The following TRIM24 variants were observed in gnomAD, a reference collection of about 807,000 sequenced individuals.
TRIM24 encodes tripartite motif containing 24, also known as transcription intermediary factor 1-alpha.
Under a neutral mutation model 123.9 loss-of-function variants are expected in TRIM24, and 29 were observed. The ratio of observed to expected loss-of-function variants is 0.23; its 90% confidence interval spans 0.17 to 0.32. The LOEUF (loss-of-function observed/expected upper bound fraction) is 0.32, where lower values mean the gene tolerates loss of function less well. Among genes scored for constraint, TRIM24 ranks in the 10% least tolerant of loss-of-function variants. The pLI, the probability that TRIM24 is intolerant of heterozygous loss-of-function variation, is 1.00. For synonymous variants in TRIM24, 456 were observed against 461.1 expected (o/e 0.99, Z 0.14); for missense variants, 932 against 1,295.3 (o/e 0.72, Z 4.31).
At chr7:138,583,572 A>G (rs1347366620) in intron 17 of TRIM24, among the ~76,000 whole-genome samples, 1 of 152,206 alleles carries the variant, frequency 6.6e-6, no homozygotes, top group East Asian at 1.9e-4. Context: ...GTGAGCCGAG[A>G]TTGTGTCACT....
chr7:138,505,534 G>GTTGTTA (rs1322287456), intron 2 of TRIM24, among the ~76,000 whole-genome samples: 3 of 151,062 alleles, frequency 2.0e-5, no homozygotes, highest in African/African-American at 7.4e-5. Context: ...TGTTGTTGTT[G>GTTGTTA]TTGTTGTTGT....
chr7:138,529,657 G>C (rs566496688), intron 6 of TRIM24, among the ~76,000 whole-genome samples: 1 of 152,270 alleles, frequency 6.6e-6, no homozygotes, highest in East Asian at 1.9e-4. Flanking sequence ...GGCTAGCCCT[G>C]CCCTCAACAT....
chr7:138,535,910 C>T (rs542618791), intron 6 of TRIM24, among the ~76,000 whole-genome samples: 7 of 151,990 alleles, frequency 4.6e-5, no homozygotes, highest in African/African-American at 9.7e-5. Flanking sequence ...TGGCTTTGTT[C>T]GTTTCTTTTT....
Position 138,579,501 on chromosome 7 carries a change from T to C in TRIM24, c.2554T>C (p.Cys852Arg). ...EKCPKVFHLS[C>R]HVPTLTNFPS... ...GTGCCCCAAAGTATTCCATCTTTCT[T>C]GTCATGTGCCCACATTGACAAATTT... The change falls in exon 15 of 19, where the codon TGT (cysteine) becomes CGT (arginine). Residue 852 changes from cysteine to arginine, a missense_variant. By Grantham distance (180) the Cys-to-Arg change is radical (BLOSUM62 -3). Coordinates refer to ENST00000343526, the MANE Select transcript of TRIM24 (RefSeq NM_015905.3). 6.2e-7 allele frequency: 1 copy of C among 1,611,848 alleles called. No individual in the cohort carries two copies. The highest frequency in any genetic ancestry group is 8.5e-7 in the Non-Finnish European group (1 of 1,178,658).
At chr7:138,568,532 G>A (rs866852119) in intron 10 of TRIM24, among the ~76,000 whole-genome samples, 12 of 151,164 alleles carry the variant, frequency 7.9e-5, no homozygotes, top group Non-Finnish European at 7.4e-5. Context: ...GATTACAGGC[G>A]CCCACTACCA....
chr7:138,572,038 C>G (rs1232672928), intron 11 of TRIM24, among the ~76,000 whole-genome samples: 1 of 152,150 alleles, frequency 6.6e-6, no homozygotes, highest in Non-Finnish European at 1.5e-5. Flanking sequence ...ATCTTGTACT[C>G]TTTACTTGGA....
intron 7 of TRIM24, among the ~76,000 whole-genome samples, chr7:138,542,121 A>G (rs2116614856): frequency 6.6e-6 from 1 of 152,290 alleles, no homozygotes; most frequent in African/African-American, 2.4e-5. Context: ...CATTCTCTTC[A>G]TTCATGTGTT....
chr7:138,544,419 C>T (rs998945537), intron 7 of TRIM24, among the ~76,000 whole-genome samples: 2 of 152,056 alleles, frequency 1.3e-5, no homozygotes, highest in African/African-American at 4.8e-5. Flanking sequence ...GTCCATGCAT[C>T]ATTGGATACA....
chr7:138,535,897 T>G (rs1170366575), intron 6 of TRIM24, among the ~76,000 whole-genome samples: 1 of 152,204 alleles, frequency 6.6e-6, no homozygotes, highest in African/African-American at 2.4e-5. Context: ...CCATATTTCT[T>G]GGTGGCTTTG....
chr7:138,463,989 C>CATTTTTTTTTTTTTT (rs1554429651), intron 1 of TRIM24, among the ~76,000 whole-genome samples: 8 of 50,768 alleles, frequency 1.6e-4, no homozygotes, highest in African/African-American at 3.3e-4. Context: ...AAAATTTAGA[C>CATTTTTTTTTTTTTT]TTTTTTTTTT....
chr7:138,558,100 C>T (rs983640338), intron 9 of TRIM24, among the ~76,000 whole-genome samples: 1 of 152,168 alleles, frequency 6.6e-6, no homozygotes, highest in African/African-American at 2.4e-5. Flanking sequence ...ACACAGGCCT[C>T]TGGCAGCTGC....
At chr7:138,491,319 C>A in intron 1 of TRIM24, 2 of 198,744 alleles carry the variant, frequency 1.0e-5, no homozygotes, top group South Asian at 9.9e-5. Flanking sequence ...CTTTTTGGCT[C>A]CCTTTGCTGC....
chr7:138,563,181 G>A (rs1385388844), intron 9 of TRIM24, among the ~76,000 whole-genome samples: 1 of 152,204 alleles, frequency 6.6e-6, no homozygotes, highest in East Asian at 1.9e-4. Flanking sequence ...CTAAGGAGAA[G>A]GAGCCTGGTC....
intron 2 of TRIM24, among the ~76,000 whole-genome samples, chr7:138,508,700 C>CGCGCGTGTGT (rs1182276337): frequency 5.6e-5 from 2 of 35,508 alleles, no homozygotes; most frequent in Admixed American, 5.9e-4. Context: ...TGTGCGCGCG[C>CGCGCGTGTGT]GTGTGTGCGT....
chr7:138,554,202 G>T lies in TRIM24; in HGVS notation c.1262-496G>T, dbSNP rs1797269766. On this transcript the variant is annotated intron_variant, in intron 8 of 18. Coordinates refer to ENST00000343526, the MANE Select transcript of TRIM24 (RefSeq NM_015905.3). This position sits in a 1 kb window ranked among gnomAD's most constrained non-coding sequence, Gnocchi z 4.5. ...ACACACATTCTTCTTAGGCCATACAGGGTCACTCACAGGGTACACTTAAGT... is the reference window on the plus strand; with the variant it reads ...ACACACATTCTTCTTAGGCCATACATGGTCACTCACAGGGTACACTTAAGT... Among the ~76,000 whole-genome samples, 1 of 152,124 alleles carries T rather than the reference G, an allele frequency of 6.6e-6. No individual in the cohort carries two copies. The highest frequency in any genetic ancestry group is 1.9e-4 in the East Asian group (1 of 5,192).
rs1584734243 is a variant in TRIM24 at position 138,551,177 on chromosome 7, T to G, written c.1258T>G (p.Leu420Val). 6.2e-7 allele frequency: 1 copy of G among 1,609,848 alleles called. No individual in the cohort carries two copies. Among genetic ancestry groups the G allele is most frequent in the Non-Finnish European group, 8.5e-7 (1 of 1,176,116 alleles). ...TTTCTGGGCTCAAAATATCATCAAC[T>G]TAGGTGGGCCATTACCATTACATAC... ...PSFWAQNIIN[L>V]GSLVIEDKES... The change falls in exon 8 of 19, where the codon TTA becomes GTA. Residue 420 changes from leucine (L) to valine (V), a missense_variant. By Grantham distance (32) the Leu-to-Val change is conservative (BLOSUM62 1). Coordinates refer to ENST00000343526, the MANE Select transcript of TRIM24 (RefSeq NM_015905.3).
At chr7:138,484,829 G>C (rs767366341) in intron 1 of TRIM24, among the ~76,000 whole-genome samples, 1 of 152,046 alleles carries the variant, frequency 6.6e-6, no homozygotes, top group Non-Finnish European at 1.5e-5. Context: ...GCCTTTCTTT[G>C]TGGGAAGATT....
At chr7:138,547,987 G>C (rs1332989687) in intron 7 of TRIM24, among the ~76,000 whole-genome samples, 1 of 152,142 alleles carries the variant, frequency 6.6e-6, no homozygotes, top group Non-Finnish European at 1.5e-5. Flanking sequence ...TTTGCCGACA[G>C]GTTGAATATA....
chr7:138,511,034 CCCA>C, intron 2 of TRIM24, among the ~76,000 whole-genome samples: 2 of 152,250 alleles, frequency 1.3e-5, no homozygotes, highest in Middle Eastern at 6.8e-3. Flanking sequence ...AATAAATCAT[CCCA>C]CTCCATCCCA....
Sources: gnomAD v4.1 joint callset for allele counts (sites outside exome capture counted in the v4.1 genomes callset) on GRCh38, gnomAD v4.1.1 for gene constraint, Gnocchi (gnomAD v3.1) non-coding constraint, MANE v1.5 for transcripts, NCBI Gene and HGNC (gene_info 2026-07-23, HGNC 2026-07-21) for gene names.